The following VAV2 variants were observed in gnomAD, a reference collection of about 807,000 sequenced individuals.
VAV2 encodes the protein vav guanine nucleotide exchange factor 2.
Under a neutral mutation model 132.5 loss-of-function variants are expected in VAV2, and 67 were observed. The observed-to-expected ratio is 0.51, with a 90% confidence interval of 0.42 to 0.62. The LOEUF (loss-of-function observed/expected upper bound fraction) is 0.62. VAV2 is among the 20% of genes least tolerant of loss of function. VAV2 has a pLI of 0.00. For missense variants in VAV2, 938 were observed against 1,153.6 expected (o/e 0.81, Z 2.71); for synonymous variants, 492 against 443.5 (o/e 1.11, Z -1.37).
intron 4 of VAV2, among the ~76,000 whole-genome samples, chr9:133,822,092 TCGCCCAC>T (rs1835810148): frequency 6.6e-6 from 1 of 151,920 alleles, no homozygotes; most frequent in South Asian, 2.1e-4. Context: ...CCCAACAACC[TCGCCCAC>T]CTGCCCCGAT....
At chr9:133,980,503 C>T (rs1372737149) in intron 1 of VAV2, among the ~76,000 whole-genome samples, 1 of 152,182 alleles carries the variant, frequency 6.6e-6, no homozygotes, top group Non-Finnish European at 1.5e-5. Flanking sequence ...TGGGGTGCTG[C>T]CCCCGACCCT....
intron 1 of VAV2, among the ~76,000 whole-genome samples, chr9:133,965,050 G>A (rs1485737405): frequency 6.6e-6 from 1 of 152,124 alleles, no homozygotes; most frequent in Non-Finnish European, 1.5e-5. Context: ...TTGCAGACAT[G>A]ATCTTAGATA....
Position 133,796,505 on chromosome 9 carries a change from T to G in VAV2, c.956A>C (p.Gln319Pro). The change falls in exon 11 of 30, where the codon CAG becomes CCG. Residue 319 changes from glutamine to proline, a missense_variant. Coordinates refer to ENST00000371850, the MANE Select transcript of VAV2 (RefSeq NM_001134398.2). ...QKVEECTLKV[Q>P]DGKFKLQDLL... ...GTCTTGCAGCTTAAATTTTCCATCC[T>G]GGACCTTCAGTGTGCACTCCTGGGA... is the stretch of plus-strand genomic sequence containing the variant. The G allele has an allele frequency of 1.9e-6, 3 of 1,613,662 alleles. No homozygotes were observed. The highest frequency in any genetic ancestry group is 2.5e-6 in the Non-Finnish European group (3 of 1,179,884).
rs1252400832 is a variant in VAV2, at chr9:133,777,392, T to G, written c.1962A>C (p.Gly654=). ...GCTTCTGTGGGAAAGGACTCACCCT[T>G]CCATCCACAGGGCAGGGCTTCACAG... ...SSSVKPCPVD[G]RPPISRPPSR... is the part of the protein sequence containing the mutation. Residue 654 remains glycine, a synonymous_variant, in exon 23 of 30, where the codon GGA becomes GGC. Transcript: ENST00000371850. 1.2e-6 allele frequency: 2 copies of G among 1,613,522 alleles called. No individual in the cohort carries two copies. Among genetic ancestry groups the G allele is most frequent in the African/African-American group, 2.7e-5 (2 of 74,910 alleles).
intron 24 of VAV2, 66 bp from the exon 25 acceptor site, chr9:133,775,117 C>T (rs1421436900): frequency 7.2e-7 from 1 of 1,385,556 alleles, no homozygotes; most frequent in Non-Finnish European, 9.9e-7. Flanking sequence ...GTGCCCAGCC[C>T]TCCGTGCGTG....
chr9:133,946,445 T>G (rs1841362447), intron 1 of VAV2, among the ~76,000 whole-genome samples: 1 of 152,238 alleles, frequency 6.6e-6, no homozygotes, highest in Non-Finnish European at 1.5e-5. Flanking sequence ...TTTTCAAGCC[T>G]CTGGGTCTTT....
chr9:133,919,645 T>C lies in VAV2; in HGVS notation c.321+19458A>G, dbSNP rs77180735. On this transcript the variant is annotated intron_variant, in intron 2 of 29. Transcript: ENST00000371850. The surrounding 1 kb of genome is among the most constrained non-coding windows in gnomAD (Gnocchi z 5.8). ...GGAGAGAAAAGATGCTCAGCCACTT[T>C]TGCCACCAGCTCAAATATTTCAGTC... is the stretch of plus-strand genomic sequence containing the variant. Among the ~76,000 whole-genome samples, 785 of 152,324 alleles carry C rather than the reference T, an allele frequency of 5.2e-3. 35 individuals are homozygous for C. The East Asian group carries it at 0.13, about 25-fold the overall frequency.
chr9:133,906,490 C>T (rs1006010840), intron 2 of VAV2, among the ~76,000 whole-genome samples: 2 of 152,188 alleles, frequency 1.3e-5, no homozygotes, highest in African/African-American at 4.8e-5. Flanking sequence ...CTGCAGAGAG[C>T]CAGCCAGGAC....
At chr9:133,819,643 A>T (rs960285360) in intron 4 of VAV2, among the ~76,000 whole-genome samples, 1 of 152,100 alleles carries the variant, frequency 6.6e-6, no homozygotes, top group African/African-American at 2.4e-5. Context: ...CCACACCCTT[A>T]GGCTCCCTTC....
At position 133,773,202 on chromosome 9, in the gene VAV2, C is replaced by T. The variant is rs190669634; in HGVS notation, c.2136-1156G>A. On this transcript the variant is annotated intron_variant, in intron 25 of 29. Transcript: ENST00000371850. ...GCCTACTGCACACCCCACACCTAGG[C>T]TGGACGGCAAAGCCTATTGCTCCCG... 2.8e-5 allele frequency among the ~76,000 whole-genome samples: 4 copies of T among 144,126 alleles called. No individual in the cohort carries two copies. The East Asian group carries it at 7.8e-4, about 28-fold the overall frequency. The allele number at this position is 144,126 out of a possible 152,430, so 94.6% of individuals were successfully genotyped here. A position where few individuals can be genotyped will look rare whatever the true frequency, so the allele number is the denominator to read the frequency against.
At position 133,788,222 on chromosome 9, in the gene VAV2, GCCCACCCCAACCCACCC is replaced by G; in HGVS notation, c.1407+115_1407+131del. 1 of 618,156 alleles carries G rather than the reference GCCCACCCCAACCCACCC, an allele frequency of 1.6e-6. No homozygotes were observed. 38.3% of individuals were successfully genotyped at this position (618,156 alleles called of 1,614,324 possible). A position where few individuals can be genotyped will look rare whatever the true frequency, so the allele number is the denominator to read the frequency against. The stretch of plus-strand genomic sequence containing the variant: ...AGGAGCCTTCCTGCAGAGCGGAGAC[GCCCACCCCAACCCACCC>G]GGCCAGCATCAGCGGCTGACTTCGA... On this transcript the variant is annotated intron_variant, in intron 15 of 29. Coordinates refer to ENST00000371850, the MANE Select transcript of VAV2 (RefSeq NM_001134398.2). This position sits in a 1 kb window ranked among gnomAD's most constrained non-coding sequence, Gnocchi z 5.3.
chr9:133,780,645 G>C, intron 20 of VAV2, 49 bp downstream of exon 20: 1 of 1,189,202 alleles, frequency 8.4e-7, no homozygotes, highest in Non-Finnish European at 1.1e-6. Context: ...CGCACACAGG[G>C]ATGTGGCGGG....
At chr9:133,889,125 C>T (rs1373449684) in intron 2 of VAV2, among the ~76,000 whole-genome samples, 2 of 152,166 alleles carry the variant, frequency 1.3e-5, no homozygotes, top group Admixed American at 6.5e-5. Context: ...CCTGCTCTTC[C>T]GCCCTCGGGG....
intron 2 of VAV2, among the ~76,000 whole-genome samples, chr9:133,876,499 G>A (rs568809464): frequency 1.3e-5 from 2 of 152,396 alleles, no homozygotes; most frequent in South Asian, 2.1e-4. Flanking sequence ...CAGAGCCCAC[G>A]CACAGGCCCG....
chr9:133,987,683 GGGC>G (rs1013365415), intron 1 of VAV2, among the ~76,000 whole-genome samples: 4 of 152,202 alleles, frequency 2.6e-5, no homozygotes, highest in Non-Finnish European at 5.9e-5. Context: ...GTCAGAGGCT[GGGC>G]GGCGGGTGGT....
At chr9:133,848,163 C>T (rs956992075) in intron 3 of VAV2, among the ~76,000 whole-genome samples, 41 of 151,156 alleles carry the variant, frequency 2.7e-4, no homozygotes, top group Non-Finnish European at 5.0e-4. Flanking sequence ...GCCTGTAGTT[C>T]CAGCTACTCG....
chr9:133,922,102 C>T (rs1233462620), intron 2 of VAV2, among the ~76,000 whole-genome samples: 1 of 152,278 alleles, frequency 6.6e-6, no homozygotes, highest in Admixed American at 6.5e-5. Context: ...GACCCGGACC[C>T]GGCTCCCTCT....
intron 23 of VAV2, among the ~76,000 whole-genome samples, 191 bp from the exon 24 acceptor site, chr9:133,776,271 G>A (rs566204868): frequency 3.3e-5 from 5 of 152,236 alleles, no homozygotes; most frequent in South Asian, 4.1e-4. Context: ...CCTCATCTCT[G>A]AGTAGATGCC....
intron 4 of VAV2, among the ~76,000 whole-genome samples, chr9:133,832,481 C>A (rs536643985): frequency 2.0e-5 from 3 of 152,354 alleles, no homozygotes; most frequent in South Asian, 4.1e-4. Flanking sequence ...TTTCCTCCCC[C>A]CTTACAGGGT....
Sources: allele counts gnomAD v4.1 joint callset (sites outside exome capture counted in the v4.1 genomes callset), GRCh38; gene constraint gnomAD v4.1.1; non-coding constraint Gnocchi (gnomAD v3.1); transcripts MANE v1.5; gene names NCBI Gene and HGNC (gene_info 2026-07-23, HGNC 2026-07-21).